Variants in ZMYM2 observed in about 807,000 individuals in gnomAD.
The protein encoded by ZMYM2 is zinc finger MYM-type containing 2, also known as zinc finger MYM-type protein 2.
ZMYM2 carries 56 observed loss-of-function variants against 162.8 expected under a neutral mutation model. The observed-to-expected ratio is 0.34, with a 90% confidence interval of 0.28 to 0.43. ZMYM2 has a LOEUF of 0.43. ZMYM2 is among the 20% of genes least tolerant of loss of function. The pLI is 1.00. For missense variants in ZMYM2, 1,275 were observed against 1,621.8 expected (o/e 0.79, Z 3.67); for synonymous variants, 510 against 541.6 (o/e 0.94, Z 0.81).
At chr13:19,918,899 G>C in the ZMYM2 span, among the ~76,000 whole-genome samples, 2 of 152,114 alleles carry the variant, frequency 1.3e-5, no homozygotes, top group Non-Finnish European at 2.9e-5. Flanking sequence ...TGCCTGCTTA[G>C]TTCTGTGTTA....
chr13:19,971,264 T>TATA (rs1555278560), intron 2 of ZMYM2, among the ~76,000 whole-genome samples: 39 of 53,668 alleles, frequency 7.3e-4, no homozygotes, highest in Middle Eastern at 0.012. Context: ...ATATATATAT[T>TATA]TTTTTTTTTT....
intron 12 of ZMYM2, among the ~76,000 whole-genome samples, chr13:20,039,285 C>G (rs754296232): frequency 5.3e-5 from 8 of 152,098 alleles, no homozygotes; most frequent in Admixed American, 1.3e-4. Flanking sequence ...CGTGATTGCT[C>G]TGGCCAGGAC....
intron 2 of ZMYM2, chr13:19,970,156 A>G (rs945220366): frequency 4.5e-5 from 31 of 685,498 alleles, no homozygotes; most frequent in Non-Finnish European, 5.6e-5. Context: ...ACACTAGATC[A>G]TAGATTTGGA....
At chr13:19,990,691 A>G (rs938619391) in intron 2 of ZMYM2, among the ~76,000 whole-genome samples, 1 of 152,304 alleles carries the variant, frequency 6.6e-6, no homozygotes, top group East Asian at 1.9e-4. Context: ...AGCAATACAT[A>G]TTAGTCTCTT....
At position 19,993,793 on chromosome 13, in the gene ZMYM2, A is replaced by T. The variant is rs777963991; in HGVS notation, c.721A>T (p.Ile241Leu). 1 of 1,614,220 alleles carries T rather than the reference A, an allele frequency of 6.2e-7. No homozygotes were observed. Among genetic ancestry groups the T allele is most frequent in the Non-Finnish European group, 8.5e-7 (1 of 1,180,036 alleles). Residue 241 changes from isoleucine to leucine, a missense_variant, in exon 3 of 25, where the codon ATA becomes TTA. Ile to Leu is a conservative substitution (Grantham distance 5). Coordinates refer to ENST00000610343, the MANE Select transcript of ZMYM2 (RefSeq NM_197968.4). ...GLQSSNFGVN[I>L]QTYTPSLTSQ... Reference sequence around the variant, plus strand: ...GCAGTCAAGTAATTTTGGTGTTAATATACAAACATACACCCCATCTTTAAC... The same window carrying T: ...GCAGTCAAGTAATTTTGGTGTTAATTTACAAACATACACCCCATCTTTAAC...
At chr13:20,018,235 T>C (rs1377393011) in intron 6 of ZMYM2, among the ~76,000 whole-genome samples, 1 of 152,236 alleles carries the variant, frequency 6.6e-6, no homozygotes, top group African/African-American at 2.4e-5. Context: ...AGTACTATTA[T>C]TACATAAATA....
chr13:19,865,512 GTCA>G, the ZMYM2 span, among the ~76,000 whole-genome samples: 1 of 152,198 alleles, frequency 6.6e-6, no homozygotes, highest in South Asian at 2.1e-4. Context: ...TACATGTAAT[GTCA>G]TCATTTTAAT....
rs570035979 is a variant in ZMYM2, at chr13:19,983,306, C to T, written c.-10-9757C>T. Among the ~76,000 whole-genome samples, 17 of 152,116 alleles carry T rather than the reference C, an allele frequency of 1.1e-4. No individual in the cohort carries two copies. The South Asian group carries it at 1.7e-3, about 15-fold the overall frequency. ...ATTACAGGTGTGTGCCATCATGGCACGGCTAATTTTTGTATTTTTAGTAGA... is the reference window on the plus strand; with the variant it reads ...ATTACAGGTGTGTGCCATCATGGCATGGCTAATTTTTGTATTTTTAGTAGA... On this transcript the variant is annotated intron_variant, in intron 2 of 24. Transcript: ENST00000610343.
At chr13:20,004,634 T>C (rs1304945734) in intron 4 of ZMYM2, among the ~76,000 whole-genome samples, 6 of 152,206 alleles carry the variant, frequency 3.9e-5, no homozygotes, top group African/African-American at 1.2e-4. Context: ...GGATGGGGTG[T>C]GTGGGTATAT....
intron 21 of ZMYM2, among the ~76,000 whole-genome samples, chr13:20,077,252 GT>G (rs1593260715): frequency 1.3e-5 from 2 of 150,628 alleles, no homozygotes; most frequent in East Asian, 3.9e-4. Flanking sequence ...TTTACTGACT[GT>G]TTACTGCTTT....
chr13:19,972,215 T>C (rs764223040), intron 2 of ZMYM2, among the ~76,000 whole-genome samples: 8 of 152,230 alleles, frequency 5.3e-5, no homozygotes, highest in Non-Finnish European at 1.0e-4. Context: ...AAATGGTTCC[T>C]ATCATTTTCT....
rs1950745312 is a variant in ZMYM2, at chr13:20,006,311, T to C, written c.1300-63T>C. 2.1e-6 allele frequency: 3 copies of C among 1,458,858 alleles called. No homozygotes were observed. The East Asian group carries it at 7.5e-5, about 36-fold the overall frequency. The allele number at this position is 1,458,858 out of a possible 1,614,324, so 90.4% of individuals were successfully genotyped here. A position where few individuals can be genotyped will look rare whatever the true frequency, so the allele number is the denominator to read the frequency against. ...ACATCTTTATTTCTGTTCAGAATGC[T>C]TTATTATTTAGCTACTTGTCAGATT... On this transcript the variant is annotated intron_variant, in intron 5 of 24. Coordinates refer to ENST00000610343, the MANE Select transcript of ZMYM2 (RefSeq NM_197968.4).
chr13:20,009,868 A>G (rs1951033357), intron 6 of ZMYM2, among the ~76,000 whole-genome samples: 1 of 152,196 alleles, frequency 6.6e-6, no homozygotes, highest in Non-Finnish European at 1.5e-5. Flanking sequence ...ATAATGCTGC[A>G]GTGAATATTG....
intron 21 of ZMYM2, among the ~76,000 whole-genome samples, chr13:20,081,008 T>G (rs1350082872): frequency 1.3e-5 from 2 of 152,344 alleles, no homozygotes; most frequent in East Asian, 3.9e-4. Flanking sequence ...GCTCCAGGAC[T>G]CTAGTTTCCT....
chr13:19,879,885 C>T, the ZMYM2 span, among the ~76,000 whole-genome samples: 1 of 152,162 alleles, frequency 6.6e-6, no homozygotes, highest in African/African-American at 2.4e-5. Flanking sequence ...TAAAGATTAT[C>T]GGCCCTCACT....
the ZMYM2 span, among the ~76,000 whole-genome samples, chr13:19,883,223 G>A: frequency 2.0e-4 from 31 of 152,172 alleles, no homozygotes; most frequent in Non-Finnish European, 8.8e-5. Context: ...AACCAGATAG[G>A]TGGTTTCCAG....
chr13:20,030,777 G>T (rs1378345873), intron 9 of ZMYM2, among the ~76,000 whole-genome samples: 5 of 152,078 alleles, frequency 3.3e-5, no homozygotes, highest in Non-Finnish European at 7.4e-5. Flanking sequence ...TGGGTGATCT[G>T]CCCGCCTTGA....
the ZMYM2 span, among the ~76,000 whole-genome samples, chr13:19,917,056 G>A: frequency 6.6e-6 from 1 of 152,060 alleles, no homozygotes; most frequent in South Asian, 2.1e-4. Context: ...TCTGCCTCCC[G>A]GGTTCACGCC....
At chr13:19,928,990 G>A in the ZMYM2 span, among the ~76,000 whole-genome samples, 2 of 152,048 alleles carry the variant, frequency 1.3e-5, no homozygotes, top group African/African-American at 2.4e-5. Context: ...GGTTGAGACT[G>A]TAAATGTCTT....
Sources: allele counts gnomAD v4.1 joint callset (sites outside exome capture counted in the v4.1 genomes callset), GRCh38; gene constraint gnomAD v4.1.1; transcripts MANE v1.5; gene names NCBI Gene and HGNC (gene_info 2026-07-23, HGNC 2026-07-21).